The following ABLIM1 variants were observed in gnomAD, a reference collection of about 807,000 sequenced individuals.
The protein encoded by ABLIM1 is actin binding LIM protein 1, also known as actin-binding LIM protein 1.
In ABLIM1, 40 loss-of-function variants were observed where a neutral mutation model predicts 107.0. The ratio of observed to expected loss-of-function variants is 0.37; its 90% confidence interval spans 0.29 to 0.49. ABLIM1 has a LOEUF of 0.49. ABLIM1 is among the 20% of genes least tolerant of loss of function. The probability of loss-of-function intolerance (pLI) is 0.97; values close to 1 mark genes in which losing one functional copy is unlikely to be tolerated. For missense variants in ABLIM1, 857 were observed against 1,008.5 expected (o/e 0.85, Z 2.04); for synonymous variants, 357 against 357.3 (o/e 1.00, Z 0.01).
At chr10:114,474,032 T>C in intron 8 of ABLIM1, 76 bp from the exon 9 acceptor site, 1 of 1,088,010 alleles carries the variant, frequency 9.2e-7, no homozygotes, top group South Asian at 1.4e-5. Context: ...CCTTAAGCTT[T>C]ACTAAAAACT....
At chr10:114,656,626 T>C (rs953514487) in intron 1 of ABLIM1, among the ~76,000 whole-genome samples, 1 of 152,202 alleles carries the variant, frequency 6.6e-6, no homozygotes, top group African/African-American at 2.4e-5. Flanking sequence ...TGTATATGGA[T>C]ATGCATAGAG....
chr10:114,611,709 G>A (rs551238441), intron 1 of ABLIM1, among the ~76,000 whole-genome samples: 5 of 152,208 alleles, frequency 3.3e-5, no homozygotes, highest in African/African-American at 7.2e-5. Context: ...ATCACTTGGC[G>A]CACTTGCCCT....
chr10:114,659,561 C>G (rs537963955), upstream of ABLIM1, among the ~76,000 whole-genome samples: 1 of 151,994 alleles, frequency 6.6e-6, no homozygotes, highest in Non-Finnish European at 1.5e-5. Context: ...TATATATATA[C>G]GGGATTCTTG....
At chr10:114,684,432 G>A in exon 1 of ABLIM1, 1 of 1,594,252 alleles carries the variant, frequency 6.3e-7, no homozygotes, top group Non-Finnish European at 8.6e-7. Context: ...TCAAAGGAGA[G>A]GCTGGGGCCC....
chr10:114,480,105 T>C (rs1039720374), intron 8 of ABLIM1, among the ~76,000 whole-genome samples: 4 of 152,216 alleles, frequency 2.6e-5, no homozygotes, highest in Admixed American at 6.5e-5. Context: ...CCCAACCCTA[T>C]CATCACCTCT....
rs144392412 is a variant in ABLIM1, at chr10:114,547,138, C to T, written c.800+512G>A. On this transcript the variant is annotated intron_variant, in intron 5 of 22. Transcript: ENST00000533213. Reference sequence around the variant, plus strand: ...AAAAGGTATACGGTGGAAAATTTCCCCTCATTGCCAGGCTACATTTAAAAA... The same window carrying T: ...AAAAGGTATACGGTGGAAAATTTCCTCTCATTGCCAGGCTACATTTAAAAA... Among the ~76,000 whole-genome samples, 897 of 135,568 alleles carry T rather than the reference C, an allele frequency of 6.6e-3. 6 individuals carry two copies. Among genetic ancestry groups the T allele is most frequent in the African/African-American group, 0.024 (806 of 33,884 alleles). 88.9% of individuals were successfully genotyped at this position (135,568 alleles called of 152,430 possible).
intron 1 of ABLIM1, among the ~76,000 whole-genome samples, chr10:114,673,234 GGT>G (rs769247793): frequency 9.4e-5 from 14 of 149,608 alleles, no homozygotes; most frequent in Non-Finnish European, 2.1e-4. Flanking sequence ...CTCCAGCCTG[GGT>G]GACAGAGCAA....
chr10:114,571,141 T>TACA (rs2071620148), intron 4 of ABLIM1, among the ~76,000 whole-genome samples, 156 bp downstream of exon 4: 1 of 152,218 alleles, frequency 6.6e-6, no homozygotes, highest in East Asian at 1.9e-4. Context: ...CATGTACCTG[T>TACA]TGGCCATTTT....
chr10:114,439,317 G>A, intron 20 of ABLIM1, 67 bp from the exon 21 acceptor site: 1 of 1,544,270 alleles, frequency 6.5e-7, no homozygotes, highest in Non-Finnish European at 8.9e-7. Context: ...GAGTACTCTT[G>A]GGCTCCCAAT....
chr10:114,569,156 C>T (rs2071256942), intron 4 of ABLIM1, among the ~76,000 whole-genome samples: 1 of 152,044 alleles, frequency 6.6e-6, no homozygotes, highest in African/African-American at 2.4e-5. Flanking sequence ...TAAGTATGCC[C>T]GTGGGCCTCA....
At chr10:114,544,462 G>A (rs148046980) in intron 6 of ABLIM1, among the ~76,000 whole-genome samples, 146 of 152,314 alleles carry the variant, frequency 9.6e-4, no homozygotes, top group African/African-American at 3.4e-3. Context: ...AGCTGGAGGC[G>A]GTTGCACCTG....
intron 1 of ABLIM1, among the ~76,000 whole-genome samples, chr10:114,728,592 C>CA (rs11405856): frequency 0.6 from 75,231 of 125,116 alleles, 22,101 homozygotes; most frequent in South Asian, 0.64. Context: ...AATGGAGAGC[C>CA]AAAAAAAAAA....
chr10:114,436,463 C>A, intron 22 of ABLIM1, 90 bp from the exon 23 acceptor site: 1 of 953,306 alleles, frequency 1.0e-6, no homozygotes, highest in South Asian at 1.5e-5. Flanking sequence ...TATACAGAGT[C>A]ATTCTGAAGA....
At chr10:114,615,587 A>G (rs1327866600) in intron 1 of ABLIM1, 1 of 470,402 alleles carries the variant, frequency 2.1e-6, no homozygotes, top group Admixed American at 2.3e-5. Flanking sequence ...GCACCATTGT[A>G]TGCACAAAGC....
At chr10:114,599,761 T>G (rs2075802954) in intron 2 of ABLIM1, among the ~76,000 whole-genome samples, 1 of 151,200 alleles carries the variant, frequency 6.6e-6, no homozygotes, top group Non-Finnish European at 1.5e-5. Flanking sequence ...CACTCCAGCC[T>G]GGCAACAGAG....
intron 1 of ABLIM1, among the ~76,000 whole-genome samples, chr10:114,704,339 G>A (rs1240818193): frequency 1.6e-4 from 13 of 82,076 alleles, no homozygotes; most frequent in African/African-American, 4.3e-4. Context: ...TATATATTGC[G>A]CGCGTTACAT....
intron 2 of ABLIM1, among the ~76,000 whole-genome samples, chr10:114,591,248 G>A (rs2074837100): frequency 6.6e-6 from 1 of 151,938 alleles, no homozygotes; most frequent in Non-Finnish European, 1.5e-5. Context: ...GGTGTTTCTT[G>A]GAATTTCCCA....
At chr10:114,578,494 C>T (rs912931232) in intron 2 of ABLIM1, among the ~76,000 whole-genome samples, 6 of 151,248 alleles carry the variant, frequency 4.0e-5, no homozygotes, top group Admixed American at 3.3e-4. Flanking sequence ...ACAACCTCCA[C>T]CTCTCCAGTT....
intron 8 of ABLIM1, among the ~76,000 whole-genome samples, chr10:114,481,625 G>A (rs985894523): frequency 2.6e-5 from 4 of 152,304 alleles, no homozygotes; most frequent in East Asian, 3.9e-4. Flanking sequence ...AGAATTTTGT[G>A]TTTGGAGAGG....
Sources: allele counts gnomAD v4.1 joint callset (sites outside exome capture counted in the v4.1 genomes callset), GRCh38; gene constraint gnomAD v4.1.1; transcripts MANE v1.5; gene names NCBI Gene and HGNC (gene_info 2026-07-23, HGNC 2026-07-21).